DOCK10: variants seen among roughly 807,000 people sequenced by gnomAD.
DOCK10 encodes the protein dedicator of cytokinesis 10.
DOCK10 carries 145 observed loss-of-function variants against 280.1 expected under a neutral mutation model. The observed-to-expected ratio is 0.52, with a 90% confidence interval of 0.45 to 0.59. The LOEUF (loss-of-function observed/expected upper bound fraction) is 0.59, where lower values mean the gene tolerates loss of function less well. DOCK10 is among the 20% of genes least tolerant of loss of function. DOCK10 has a pLI of 0.00. For missense variants in DOCK10, 2,368 were observed against 2,651.7 expected (o/e 0.89, Z 2.35); for synonymous variants, 915 against 942.2 (o/e 0.97, Z 0.53).
Position 224,943,297 on chromosome 2 carries a change from T to G in DOCK10, c.124-11629A>C, listed in dbSNP as rs1703196546. On this transcript the variant is annotated intron_variant, in intron 1 of 55. Coordinates refer to ENST00000258390, the MANE Select transcript of DOCK10 (RefSeq NM_014689.3). ...AAAATTAGATTAATAAGGGAAACTT[T>G]CAAAACAACTAAAAATTCTACATAA... Among the ~76,000 whole-genome samples, 5 of 152,094 alleles carry G rather than the reference T, an allele frequency of 3.3e-5. No individual in the cohort carries two copies. In the South Asian group the frequency reaches 1.0e-3, roughly 32 times the overall value.
At chr2:224,985,967 A>G (rs1327211771) in intron 1 of DOCK10, among the ~76,000 whole-genome samples, 1 of 152,226 alleles carries the variant, frequency 6.6e-6, no homozygotes, top group Non-Finnish European at 1.5e-5. Context: ...TAAATTATGT[A>G]AGAGCCGTGT....
chr2:224,836,375 T>C (rs1384537477), intron 25 of DOCK10, among the ~76,000 whole-genome samples: 1 of 152,212 alleles, frequency 6.6e-6, no homozygotes, highest in Non-Finnish European at 1.5e-5. Context: ...GGTAAAATTA[T>C]ACAATAGAGA....
intron 1 of DOCK10, among the ~76,000 whole-genome samples, chr2:224,980,625 T>C (rs1705697101): frequency 6.6e-6 from 1 of 152,210 alleles, no homozygotes; most frequent in Non-Finnish European, 1.5e-5. Flanking sequence ...CACATTTTAC[T>C]CAGAGTAGTC....
intron 50 of DOCK10, chr2:224,784,765 A>G (rs953288211): frequency 2.9e-5 from 37 of 1,289,698 alleles, no homozygotes; most frequent in Non-Finnish European, 3.7e-5. Context: ...AGACCAAAAG[A>G]AGAAAAGAGT....
At chr2:224,967,571 A>G (rs1704845508) in intron 1 of DOCK10, among the ~76,000 whole-genome samples, 1 of 152,214 alleles carries the variant, frequency 6.6e-6, no homozygotes, top group Non-Finnish European at 1.5e-5. Flanking sequence ...GTACGTTATA[A>G]TAGCCAGTAC....
intron 4 of DOCK10, chr2:224,893,671 G>A (rs1031938897): frequency 4.9e-5 from 22 of 453,486 alleles, no homozygotes; most frequent in Non-Finnish European, 9.4e-5. Context: ...TAAAAAAAGT[G>A]AAAATCTTAA....
At chr2:224,981,851 T>G (rs1705763027) in intron 1 of DOCK10, among the ~76,000 whole-genome samples, 1 of 152,246 alleles carries the variant, frequency 6.6e-6, no homozygotes, top group African/African-American at 2.4e-5. Context: ...ACGCCCATTT[T>G]GGGCTCTTCT....
chr2:225,040,933 G>A (rs1014169365), intron 1 of DOCK10, among the ~76,000 whole-genome samples: 2 of 152,148 alleles, frequency 1.3e-5, no homozygotes, highest in Non-Finnish European at 2.9e-5. Context: ...TGCTGTCCCT[G>A]GCACAGAGTG....
intron 27 of DOCK10, among the ~76,000 whole-genome samples, chr2:224,827,695 G>GAACC (rs1030497432): frequency 3.9e-5 from 6 of 152,180 alleles, no homozygotes; most frequent in Non-Finnish European, 5.9e-5. Flanking sequence ...AGAGAGATAC[G>GAACC]AACCATTTTT....
intron 1 of DOCK10, among the ~76,000 whole-genome samples, 154 bp from the exon 2 acceptor site, chr2:224,931,822 C>A (rs1185448272): frequency 6.6e-6 from 1 of 152,130 alleles, no homozygotes; most frequent in Non-Finnish European, 1.5e-5. Flanking sequence ...TAGGGCAAAG[C>A]CACACACCTA....
intron 51 of DOCK10, among the ~76,000 whole-genome samples, chr2:224,775,540 A>G (rs2124994873): frequency 6.6e-6 from 1 of 152,144 alleles, no homozygotes; most frequent in East Asian, 1.9e-4. Flanking sequence ...CAGTGGCACG[A>G]TCTCGGCTCA....
At chr2:224,885,996 C>A in intron 6 of DOCK10, 67 bp downstream of exon 6, 1 of 1,602,886 alleles carries the variant, frequency 6.2e-7, no homozygotes, top group African/African-American at 1.3e-5. Context: ...CTCTTCTGTG[C>A]TGTGACCAGA....
At chr2:224,824,854 T>C (rs1291842061) in intron 27 of DOCK10, among the ~76,000 whole-genome samples, 2 of 152,142 alleles carry the variant, frequency 1.3e-5, no homozygotes. Context: ...ATTTCTAAAT[T>C]GTGAGCACCC....
intron 11 of DOCK10, among the ~76,000 whole-genome samples, chr2:224,869,925 G>A (rs558652449): frequency 2.2e-4 from 34 of 152,106 alleles, no homozygotes; most frequent in South Asian, 1.5e-3. Flanking sequence ...AATATGTTCT[G>A]GGTCAAAAAA....
At chr2:224,776,710 C>A (rs1690890155) in intron 51 of DOCK10, among the ~76,000 whole-genome samples, 1 of 152,156 alleles carries the variant, frequency 6.6e-6, no homozygotes. Flanking sequence ...CCAGCTGCAT[C>A]TTCTGCCACA....
At chr2:224,941,416 T>C (rs1424997512) in intron 1 of DOCK10, among the ~76,000 whole-genome samples, 1 of 152,216 alleles carries the variant, frequency 6.6e-6, no homozygotes, top group Non-Finnish European at 1.5e-5. Context: ...GGAATAGAGC[T>C]GTGATTTGGC....
intron 4 of DOCK10, among the ~76,000 whole-genome samples, chr2:224,895,266 G>A (rs1699913344): frequency 6.6e-6 from 1 of 152,210 alleles, no homozygotes. Flanking sequence ...GGGGCCACAG[G>A]AAATATAGCA....
chr2:225,037,382 T>C (rs1051866153), intron 1 of DOCK10, among the ~76,000 whole-genome samples: 4 of 152,132 alleles, frequency 2.6e-5, no homozygotes, highest in African/African-American at 9.7e-5. Context: ...GAAGCACTAG[T>C]GGGAAGAACA....
chr2:224,956,490 G>A (rs1163669476), intron 1 of DOCK10, among the ~76,000 whole-genome samples: 1 of 152,078 alleles, frequency 6.6e-6, no homozygotes, highest in Non-Finnish European at 1.5e-5. Flanking sequence ...TGGGCATGGT[G>A]GCATGCACCT....
Sources: allele counts gnomAD v4.1 joint callset (sites outside exome capture counted in the v4.1 genomes callset), GRCh38; gene constraint gnomAD v4.1.1; transcripts MANE v1.5; gene names NCBI Gene and HGNC (gene_info 2026-07-23, HGNC 2026-07-21).